The following PTPRD variants were observed in gnomAD, a reference collection of about 807,000 sequenced individuals.
PTPRD encodes receptor-type tyrosine-protein phosphatase delta.
PTPRD carries 34 observed loss-of-function variants against 214.5 expected under a neutral mutation model. The observed-to-expected ratio is 0.16, with a 90% CI of 0.12 to 0.21. The LOEUF (loss-of-function observed/expected upper bound fraction) is 0.21. PTPRD is among the 10% of genes least tolerant of loss of function. PTPRD has a pLI of 1.00. For missense variants in PTPRD, 2,545 were observed against 2,398.7 expected (o/e 1.06, Z -1.27); for synonymous variants, 1,128 against 845.7 (o/e 1.33, Z -5.79).
chr9:9,090,063 T>C (rs755389046), intron 10 of PTPRD, among the ~76,000 whole-genome samples: 2 of 152,232 alleles, frequency 1.3e-5, no homozygotes, highest in African/African-American at 4.8e-5. Context: ...TTCCTTTGCA[T>C]TGGGAACATT....
chr9:10,438,443 A>C (rs929167574), intron 2 of PTPRD, among the ~76,000 whole-genome samples: 2 of 151,768 alleles, frequency 1.3e-5, no homozygotes, highest in African/African-American at 4.8e-5. Context: ...GTGATAAACA[A>C]CACCACATTG....
intron 7 of PTPRD, among the ~76,000 whole-genome samples, chr9:9,625,880 T>C (rs2095410701): frequency 6.6e-6 from 1 of 151,952 alleles, no homozygotes; most frequent in South Asian, 2.1e-4. Context: ...TTGGTAGAGG[T>C]TTTTCTCTAG....
intron 3 of PTPRD, among the ~76,000 whole-genome samples, chr9:10,104,785 A>G (rs773740570): frequency 2.6e-5 from 4 of 151,950 alleles, no homozygotes; most frequent in Non-Finnish European, 5.9e-5. Flanking sequence ...AAAATCCAAC[A>G]TGTAGGTGGA....
At chr9:9,580,089 T>C (rs1321444287) in intron 7 of PTPRD, among the ~76,000 whole-genome samples, 2 of 152,120 alleles carry the variant, frequency 1.3e-5, no homozygotes, top group Non-Finnish European at 2.9e-5. Flanking sequence ...TCTGCGTGTA[T>C]TACATTTTCT....
intron 7 of PTPRD, among the ~76,000 whole-genome samples, chr9:9,719,964 C>G (rs74907217): frequency 1.3e-5 from 2 of 152,170 alleles, no homozygotes; most frequent in Non-Finnish European, 2.9e-5. Context: ...GGCAGGACCC[C>G]ACGCTTGATT....
chr9:9,017,845 G>C (rs1171699326), intron 11 of PTPRD, among the ~76,000 whole-genome samples: 1 of 151,912 alleles, frequency 6.6e-6, no homozygotes, highest in Non-Finnish European at 1.5e-5. Flanking sequence ...ATTTAAAATG[G>C]AACTTTCTTC....
intron 5 of PTPRD, among the ~76,000 whole-genome samples, chr9:9,827,375 T>C (rs948591175): frequency 3.3e-5 from 5 of 152,222 alleles, no homozygotes; most frequent in Admixed American, 3.3e-4. Context: ...TATCTGATCT[T>C]TGACAAACCT....
chr9:9,745,199 T>G (rs555679023), intron 6 of PTPRD, among the ~76,000 whole-genome samples: 1 of 152,274 alleles, frequency 6.6e-6, no homozygotes, highest in African/African-American at 2.4e-5. Context: ...CTCTACTTTT[T>G]CTTGTGCAAT....
At chr9:8,685,287 C>T (rs753325755) in intron 12 of PTPRD, among the ~76,000 whole-genome samples, 3 of 151,086 alleles carry the variant, frequency 2.0e-5, no homozygotes, top group East Asian at 3.9e-4. Context: ...TTATATTTGG[C>T]GTGAGAGTAG....
chr9:8,779,437 A>G (rs1255027961), intron 11 of PTPRD, among the ~76,000 whole-genome samples: 1 of 152,224 alleles, frequency 6.6e-6, no homozygotes, highest in East Asian at 1.9e-4. Context: ...GGGCTTCAAT[A>G]AAACCTAATG....
intron 3 of PTPRD, among the ~76,000 whole-genome samples, chr9:10,119,840 G>C (rs1194443486): frequency 6.6e-6 from 1 of 151,988 alleles, no homozygotes; most frequent in Non-Finnish European, 1.5e-5. Flanking sequence ...CCGAGATAAT[G>C]AGAGGTACAG....
At chr9:8,332,248 C>G (rs16924677) in intron 43 of PTPRD, among the ~76,000 whole-genome samples, 24,929 of 152,126 alleles carry the variant, frequency 0.16, 3,239 homozygotes, top group African/African-American at 0.36. Flanking sequence ...GCTGTGCTTG[C>G]GTATTTCTAC....
chr9:8,335,035 A>T (rs1328328716), intron 43 of PTPRD, among the ~76,000 whole-genome samples: 1 of 152,130 alleles, frequency 6.6e-6, no homozygotes, highest in Non-Finnish European at 1.5e-5. Flanking sequence ...TAGCAACCAA[A>T]AAAGTCCAGG....
At position 9,905,342 on chromosome 9, in the gene PTPRD, ATTG is replaced by A. The variant is rs563342991; in HGVS notation, c.-368+33162_-368+33164del. Reference sequence around the variant, plus strand: ...GGTAGAGTTTTAAATAATTAGCTCAATTGTTGTTATTGACTAGTAAATGAACAC... The same window carrying A: ...GGTAGAGTTTTAAATAATTAGCTCAATTGTTATTGACTAGTAAATGAACAC... On this transcript the variant is annotated intron_variant, in intron 5 of 45. Transcript: ENST00000381196. 3.3e-5 allele frequency among the ~76,000 whole-genome samples: 5 copies of A among 152,078 alleles called. No individual in the cohort carries two copies. The South Asian group carries it at 8.3e-4, about 25-fold the overall frequency.
intron 7 of PTPRD, among the ~76,000 whole-genome samples, chr9:9,649,148 C>A (rs998247884): frequency 4.6e-5 from 7 of 152,250 alleles, no homozygotes; most frequent in Admixed American, 1.3e-4. Context: ...GACCATATAT[C>A]ATGTAGCCAT....
chr9:10,091,006 T>G (rs967503222), intron 3 of PTPRD, among the ~76,000 whole-genome samples: 1 of 150,598 alleles, frequency 6.6e-6, no homozygotes, highest in Non-Finnish European at 1.5e-5. Context: ...TGCCTCATTT[T>G]CCATTTCTGA....
intron 10 of PTPRD, among the ~76,000 whole-genome samples, chr9:9,104,455 C>T (rs1036684187): frequency 1.3e-5 from 2 of 152,158 alleles, no homozygotes; most frequent in South Asian, 2.1e-4. Context: ...TCTTGGCTAA[C>T]ATATATACTC....
intron 2 of PTPRD, among the ~76,000 whole-genome samples, chr9:10,395,463 TA>T (rs2154493309): frequency 6.6e-6 from 1 of 152,052 alleles, no homozygotes; most frequent in South Asian, 2.1e-4. Context: ...CCATGCCCTT[TA>T]TTTCTTTCAA....
At chr9:8,734,218 T>C (rs538116912) in intron 11 of PTPRD, among the ~76,000 whole-genome samples, 20 of 152,352 alleles carry the variant, frequency 1.3e-4, no homozygotes, top group Non-Finnish European at 2.4e-4. Flanking sequence ...ACCTTGACTT[T>C]CATTCTTTGC....
Sources: gnomAD v4.1 joint callset for allele counts (sites outside exome capture counted in the v4.1 genomes callset) on GRCh38, gnomAD v4.1.1 for gene constraint, MANE v1.5 for transcripts, NCBI Gene and HGNC (gene_info 2026-07-23, HGNC 2026-07-21) for gene names.